Variants in COG5 observed in about 807,000 individuals in gnomAD.
The protein encoded by COG5 is component of oligomeric golgi complex 5.
A neutral mutation model predicts 110.4 loss-of-function variants in COG5; 86 were observed. The ratio of observed to expected loss-of-function variants is 0.78; its 90% CI spans 0.65 to 0.93. The LOEUF is 0.93. Among genes scored for constraint, COG5 ranks in the 40% least tolerant of loss-of-function variants. The probability of loss-of-function intolerance (pLI) is 0.00; values close to 1 mark genes in which losing one functional copy is unlikely to be tolerated. For synonymous variants in COG5, 360 were observed against 334.6 expected, an observed-to-expected ratio of 1.08 and a Z score of -0.83; for missense variants, 1,077 against 987.0, an observed-to-expected ratio of 1.09 and a Z score of -1.22.
At chr7:107,230,857 A>G (rs552994506) in intron 18 of COG5, among the ~76,000 whole-genome samples, 166 bp from the exon 19 acceptor site, 1 of 152,348 alleles carries the variant, frequency 6.6e-6, no homozygotes. Flanking sequence ...AAGCACTTAC[A>G]TAATTTTTGC....
At chr7:107,301,894 T>C (rs966335005) in intron 11 of COG5, among the ~76,000 whole-genome samples, 4 of 152,058 alleles carry the variant, frequency 2.6e-5, no homozygotes, top group African/African-American at 9.7e-5. Flanking sequence ...ATATCAAATA[T>C]TGGCAGGGAT....
intron 16 of COG5, among the ~76,000 whole-genome samples, chr7:107,248,720 CTCT>C (rs1802251109): frequency 1.3e-5 from 2 of 152,094 alleles, no homozygotes; most frequent in South Asian, 4.1e-4. Flanking sequence ...AACACCCCCA[CTCT>C]TCTTATTTTT....
chr7:107,266,307 T>C (rs1294274844), intron 14 of COG5, among the ~76,000 whole-genome samples: 2 of 152,208 alleles, frequency 1.3e-5, no homozygotes, highest in Non-Finnish European at 1.5e-5. Flanking sequence ...GAAAATATTC[T>C]CACAGCGTAT....
At chr7:107,427,729 G>A (rs1161711208) in intron 6 of COG5, among the ~76,000 whole-genome samples, 3 of 151,958 alleles carry the variant, frequency 2.0e-5, no homozygotes, top group African/African-American at 7.3e-5. Context: ...CTCAGCCTGT[G>A]GCTGGGCTGG....
At chr7:107,434,530 C>T (rs150286188) in intron 6 of COG5, among the ~76,000 whole-genome samples, 197 of 152,082 alleles carry the variant, frequency 1.3e-3, no homozygotes, top group African/African-American at 4.6e-3. Context: ...GAAATCACCA[C>T]TGAAGAACTT....
At chr7:107,522,161 C>T (rs1057465972) in intron 6 of COG5, among the ~76,000 whole-genome samples, 3 of 152,136 alleles carry the variant, frequency 2.0e-5, no homozygotes, top group African/African-American at 2.4e-5. Context: ...GGATAAATAA[C>T]TAATGCATAT....
chr7:107,224,944 C>T (rs192889255), intron 19 of COG5, among the ~76,000 whole-genome samples: 105 of 152,372 alleles, frequency 6.9e-4, no homozygotes, highest in Non-Finnish European at 1.2e-3. Context: ...TGCTGGCTTA[C>T]ATAAATAGTC....
At chr7:107,244,209 G>A (rs1198356629) in intron 17 of COG5, among the ~76,000 whole-genome samples, 6 of 152,114 alleles carry the variant, frequency 3.9e-5, no homozygotes, top group African/African-American at 7.2e-5. Context: ...CCAAGATCAC[G>A]CCACTGCACT....
At chr7:107,365,327 TCAAA>T (rs1334591009) in intron 8 of COG5, among the ~76,000 whole-genome samples, 2 of 151,416 alleles carry the variant, frequency 1.3e-5, no homozygotes, top group African/African-American at 4.8e-5. Flanking sequence ...GAAAAGAAAA[TCAAA>T]CAAAAGATAG....
chr7:107,274,172 T>C (rs1804501493), intron 14 of COG5, among the ~76,000 whole-genome samples: 1 of 152,172 alleles, frequency 6.6e-6, no homozygotes, highest in Non-Finnish European at 1.5e-5. Flanking sequence ...GAGTTGCCTG[T>C]AGTCCCAGCT....
At chr7:107,303,874 G>A (rs1201527550) in intron 11 of COG5, among the ~76,000 whole-genome samples, 1 of 152,028 alleles carries the variant, frequency 6.6e-6, no homozygotes, top group Admixed American at 6.6e-5. Context: ...TTTATACAAG[G>A]AAAATTACAG....
chr7:107,288,940 ATATATATATATATATATATATATT>A (rs1180911173), intron 12 of COG5, among the ~76,000 whole-genome samples: 4 of 114,136 alleles, frequency 3.5e-5, no homozygotes, highest in African/African-American at 1.6e-4. Context: ...ATATATATAT[ATATATATATATATATATATATATT>A]TAAAAATTTA....
At chr7:107,287,736 CTG>C (rs752460967) in intron 12 of COG5, among the ~76,000 whole-genome samples, 135 of 152,234 alleles carry the variant, frequency 8.9e-4, no homozygotes, top group Middle Eastern at 3.4e-3. Flanking sequence ...GGATAATATA[CTG>C]TGTGTATCTG....
chr7:107,243,120 C>T (rs1192215739), intron 17 of COG5, among the ~76,000 whole-genome samples: 2 of 152,108 alleles, frequency 1.3e-5, no homozygotes, highest in African/African-American at 4.8e-5. Context: ...CACTACATAA[C>T]GGTAAGGGTT....
intron 14 of COG5, among the ~76,000 whole-genome samples, chr7:107,279,597 C>G (rs1010236354): frequency 2.6e-5 from 4 of 151,782 alleles, no homozygotes; most frequent in Non-Finnish European, 5.9e-5. Context: ...TTATTAAATG[C>G]CAAGAAACAA....
At chr7:107,281,174 A>G (rs757222264) in intron 14 of COG5, 126 bp downstream of exon 14, 3 of 736,724 alleles carry the variant, frequency 4.1e-6, no homozygotes, top group Non-Finnish European at 6.6e-6. Flanking sequence ...GAAGTTACAA[A>G]CTTTCACTAC....
At chr7:107,254,809 G>A (rs1050426161) in intron 16 of COG5, among the ~76,000 whole-genome samples, 57 of 152,256 alleles carry the variant, frequency 3.7e-4, no homozygotes, top group African/African-American at 1.3e-3. Context: ...TATCATCAAA[G>A]TGAAGGCACT....
chr7:107,253,485 T>C (rs1452271590), intron 16 of COG5, among the ~76,000 whole-genome samples: 1 of 152,038 alleles, frequency 6.6e-6, no homozygotes, highest in African/African-American at 2.4e-5. Flanking sequence ...ATATATAAAT[T>C]TGGCAATGTA....
Position 107,558,004 on chromosome 7 carries a change from C to T in COG5, c.206G>A (p.Ser69Asn), listed in dbSNP as rs372287766. 21 of 1,613,792 alleles carry T rather than the reference C, an allele frequency of 1.3e-5. No homozygotes were observed. Among genetic ancestry groups the T allele is most frequent in the Non-Finnish European group, 1.8e-5 (21 of 1,179,972 alleles). ...EQLAKLAQGISQLDRELHLQV... is the reference protein window; with the variant it reads ...EQLAKLAQGINQLDRELHLQV... The stretch of plus-strand genomic sequence containing the variant: ...TAAGTGTAGTTCTCTGTCCAACTGA[C>T]TGATTCCTTGGGCAAGTTTTGCTAG... Residue 69 changes from serine to asparagine, a missense_variant, in exon 2 of 22, where the codon AGT becomes AAT. By Grantham distance (46) the Ser-to-Asn change is conservative. Coordinates refer to ENST00000297135, the MANE Select transcript of COG5 (RefSeq NM_006348.5).
Sources: gnomAD v4.1 joint callset for allele counts (sites outside exome capture counted in the v4.1 genomes callset) on GRCh38, gnomAD v4.1.1 for gene constraint, MANE v1.5 for transcripts, NCBI Gene and HGNC (gene_info 2026-07-23, HGNC 2026-07-21) for gene names.